The following ADGRG6 variants were observed in gnomAD, a reference collection of about 807,000 sequenced individuals.
ADGRG6 encodes G-protein coupled receptor 126.
Under a neutral mutation model 142.4 loss-of-function variants are expected in ADGRG6, and 84 were observed. That is an observed-to-expected ratio of 0.59 (90% confidence interval 0.49 to 0.71). The LOEUF (loss-of-function observed/expected upper bound fraction) is 0.71, where lower values mean the gene tolerates loss of function less well. Ranked by LOEUF, ADGRG6 falls within the 30% of genes least tolerant of loss-of-function variation. ADGRG6 has a pLI of 0.00. For missense variants in ADGRG6, 1,367 were observed against 1,466.6 expected (o/e 0.93, Z 1.11); for synonymous variants, 521 against 520.5 (o/e 1.00, Z -0.01).
intron 2 of ADGRG6, among the ~76,000 whole-genome samples, chr6:142,344,901 T>A (rs113443286): frequency 1.4e-4 from 22 of 151,972 alleles, no homozygotes; most frequent in Non-Finnish European, 2.9e-5. Flanking sequence ...TCTCCTCAGA[T>A]GTTGGGAATA....
At chr6:142,440,907 G>C (rs753973507) in intron 24 of ADGRG6, 3 of 1,442,212 alleles carry the variant, frequency 2.1e-6, no homozygotes, top group South Asian at 1.3e-5. Flanking sequence ...TTATGGTATA[G>C]ATAATGTCTC....
At chr6:142,400,643 C>A in intron 11 of ADGRG6, 47 bp downstream of exon 11, 1 of 951,830 alleles carries the variant, frequency 1.1e-6, no homozygotes, top group Non-Finnish European at 1.7e-6. Context: ...TGTTATCAGC[C>A]TTCCCAGGGT....
At chr6:142,439,459 T>C (rs1002865997) in intron 24 of ADGRG6, among the ~76,000 whole-genome samples, 2 of 152,232 alleles carry the variant, frequency 1.3e-5, no homozygotes, top group African/African-American at 4.8e-5. Context: ...TTATTCATAT[T>C]GCAAATACTT....
At chr6:142,309,692 G>T (rs1582954710) in intron 2 of ADGRG6, 48 bp downstream of exon 2, 1 of 1,196,310 alleles carries the variant, frequency 8.4e-7, no homozygotes, top group Non-Finnish European at 1.2e-6. Flanking sequence ...TGATGACATT[G>T]TCTGCAGTGT....
Position 142,302,227 on chromosome 6 carries a change from T to C in ADGRG6, c.-103T>C. Reference sequence around the variant, plus strand: ...GGAGGGTCCCGCCGCGGCGCAGGGCTGGGGCGCCTGGGTTCCCCCTGGGTG... The same window carrying C: ...GGAGGGTCCCGCCGCGGCGCAGGGCCGGGGCGCCTGGGTTCCCCCTGGGTG... On this transcript the variant is annotated 5_prime_UTR_variant, in exon 1 of 25. Coordinates refer to ENST00000367609, the MANE Select transcript of ADGRG6 (RefSeq NM_198569.3). 1 of 1,385,056 alleles carries C rather than the reference T, an allele frequency of 7.2e-7. No homozygotes were observed. The highest frequency in any genetic ancestry group is 1.0e-6 in the Non-Finnish European group (1 of 1,001,154). 85.8% of individuals were successfully genotyped at this position (1,385,056 alleles called of 1,614,324 possible).
intron 1 of ADGRG6, among the ~76,000 whole-genome samples, chr6:142,303,610 T>G (rs1010712851): frequency 2.0e-5 from 3 of 152,356 alleles, no homozygotes; most frequent in Admixed American, 2.0e-4. Context: ...ACAGCCAGCA[T>G]TTTCATATAA....
chr6:142,427,566 G>C (rs1182678106), intron 22 of ADGRG6, among the ~76,000 whole-genome samples: 6 of 152,126 alleles, frequency 3.9e-5, no homozygotes, highest in Admixed American at 2.0e-4. Context: ...CTGTTACCCA[G>C]TTCCCAAGTT....
At chr6:142,390,032 A>G (rs1774807115) in intron 6 of ADGRG6, among the ~76,000 whole-genome samples, 1 of 151,866 alleles carries the variant, frequency 6.6e-6, no homozygotes, top group Non-Finnish European at 1.5e-5. Flanking sequence ...GCTAATTGAT[A>G]ACTATTTCTA....
At chr6:142,412,206 T>C (rs1776123372) in intron 18 of ADGRG6, among the ~76,000 whole-genome samples, 1 of 152,216 alleles carries the variant, frequency 6.6e-6, no homozygotes, top group East Asian at 1.9e-4. Flanking sequence ...CCTGTGATTT[T>C]GCAAACACTT....
intron 18 of ADGRG6, among the ~76,000 whole-genome samples, chr6:142,412,821 A>C (rs1361856107): frequency 2.0e-5 from 3 of 152,164 alleles, no homozygotes; most frequent in African/African-American, 7.2e-5. Flanking sequence ...AATTCATTTA[A>C]ATATTTCAAC....
chr6:142,428,168 A>T (rs1777042234), intron 22 of ADGRG6, among the ~76,000 whole-genome samples: 3 of 152,290 alleles, frequency 2.0e-5, no homozygotes, highest in Middle Eastern at 6.8e-3. Context: ...GTGTAATTAT[A>T]TGGGTACTCA....
chr6:142,308,675 T>C (rs2114507176), intron 1 of ADGRG6, among the ~76,000 whole-genome samples: 1 of 152,034 alleles, frequency 6.6e-6, no homozygotes, highest in Middle Eastern at 3.4e-3. Context: ...CCTTCCTGCC[T>C]CACAACTCTT....
At chr6:142,352,383 CAT>C (rs1780228404) in intron 2 of ADGRG6, among the ~76,000 whole-genome samples, 1 of 152,160 alleles carries the variant, frequency 6.6e-6, no homozygotes. Flanking sequence ...AAAAATAGCA[CAT>C]GTTCTCACTT....
At chr6:142,417,109 G>A (rs560565016) in intron 20 of ADGRG6, 164 bp from the exon 21 acceptor site, 1 of 675,878 alleles carries the variant, frequency 1.5e-6, no homozygotes, top group Non-Finnish European at 2.7e-6. Context: ...GGATTTTGTT[G>A]TTAACCAAGT....
chr6:142,439,370 G>T (rs1040721976), intron 24 of ADGRG6, among the ~76,000 whole-genome samples: 1 of 152,204 alleles, frequency 6.6e-6, no homozygotes, highest in Non-Finnish European at 1.5e-5. Context: ...TATTAAACAT[G>T]AGCAGAGGTG....
chr6:142,415,748 T>A lies in ADGRG6; in HGVS notation c.2670-48T>A, dbSNP rs189078951. On this transcript the variant is annotated intron_variant, in intron 19 of 24. Transcript: ENST00000367609. ...TTATACAGGCCTGTGCTTAAAAGAT[T>A]GATATACAGTATTAGTTCTCTCATA... 3.7e-5 allele frequency: 50 copies of A among 1,335,730 alleles called. No individual in the cohort carries two copies. In the African/African-American group the frequency reaches 6.5e-4, roughly 17 times the overall value. The allele number at this position is 1,335,730 out of a possible 1,614,324, so 82.7% of individuals were successfully genotyped here.
At chr6:142,443,015 C>T (rs1245400517) in intron 24 of ADGRG6, among the ~76,000 whole-genome samples, 1 of 152,082 alleles carries the variant, frequency 6.6e-6, no homozygotes, top group African/African-American at 2.4e-5. Flanking sequence ...TTTTGTACAT[C>T]TTTCAAGCCA....
chr6:142,404,068 G>T (rs1775675534), intron 14 of ADGRG6, 95 bp downstream of exon 14: 9 of 897,928 alleles, frequency 1.0e-5, no homozygotes, highest in Non-Finnish European at 1.4e-5. Flanking sequence ...AGAGGTCTTG[G>T]TCCATGAAGT....
intron 2 of ADGRG6, among the ~76,000 whole-genome samples, chr6:142,334,196 T>G (rs1364871882): frequency 6.6e-6 from 1 of 152,068 alleles, no homozygotes; most frequent in Non-Finnish European, 1.5e-5. Flanking sequence ...AGACAAAAGA[T>G]GGAAGAAATA....
Sources: gnomAD v4.1 joint callset for allele counts (sites outside exome capture counted in the v4.1 genomes callset) on GRCh38, gnomAD v4.1.1 for gene constraint, MANE v1.5 for transcripts, NCBI Gene and HGNC (gene_info 2026-07-23, HGNC 2026-07-21) for gene names.